Variants in ERC2 observed in about 807,000 individuals in gnomAD.
The protein encoded by ERC2 is ERC protein 2.
A neutral mutation model predicts 114.8 loss-of-function variants in ERC2; 42 were observed. The observed-to-expected ratio is 0.37, with a 90% confidence interval of 0.29 to 0.47. The LOEUF is 0.47. Among genes scored for constraint, ERC2 ranks in the 20% least tolerant of loss-of-function variants. ERC2 has a pLI of 0.99. For missense variants in ERC2, 939 were observed against 1,150.7 expected, an observed-to-expected ratio of 0.82 and a Z score of 2.66; for synonymous variants, 454 against 425.5, an observed-to-expected ratio of 1.07 and a Z score of -0.82.
chr3:55,712,886 G>GTTA (rs1244793253), intron 15 of ERC2, among the ~76,000 whole-genome samples: 2 of 152,230 alleles, frequency 1.3e-5, no homozygotes, highest in African/African-American at 4.8e-5. Flanking sequence ...TGCACAAGGT[G>GTTA]CTACTACATG....
intron 6 of ERC2, among the ~76,000 whole-genome samples, chr3:56,103,914 T>C (rs1418494409): frequency 6.6e-6 from 1 of 152,002 alleles, no homozygotes; most frequent in Non-Finnish European, 1.5e-5. Context: ...AATAGCTGAG[T>C]GTTAAAGAAG....
intron 17 of ERC2, among the ~76,000 whole-genome samples, chr3:55,583,889 C>CA (rs1012131079): frequency 1.5e-3 from 2 of 1,296 alleles, no homozygotes; most frequent in African/African-American, 1.8e-3. Context: ...AACTTGCTAG[C>CA]CCCCCTCCCA....
chr3:55,841,172 T>C (rs774084814), intron 14 of ERC2, among the ~76,000 whole-genome samples: 3 of 152,202 alleles, frequency 2.0e-5, no homozygotes, highest in Non-Finnish European at 4.4e-5. Flanking sequence ...ATAAAACAAA[T>C]CTGGCTGACA....
At chr3:55,530,651 A>T (rs1396487710) in intron 17 of ERC2, among the ~76,000 whole-genome samples, 1 of 152,216 alleles carries the variant, frequency 6.6e-6, no homozygotes, top group African/African-American at 2.4e-5. Flanking sequence ...CTCCAAGATT[A>T]TTGGCATCAA....
chr3:56,421,731 T>A (rs2061397745), intron 2 of ERC2, among the ~76,000 whole-genome samples: 1 of 152,178 alleles, frequency 6.6e-6, no homozygotes, highest in Admixed American at 6.5e-5. Flanking sequence ...CCTCATCATC[T>A]TCCAACTGAC....
At chr3:56,425,108 C>T (rs2061516698) in intron 2 of ERC2, among the ~76,000 whole-genome samples, 1 of 152,112 alleles carries the variant, frequency 6.6e-6, no homozygotes, top group Non-Finnish European at 1.5e-5. Flanking sequence ...CCCTTCATCC[C>T]ACTTCCTTTA....
chr3:55,926,404 TTTTTTG>T (rs1192881082), intron 13 of ERC2, among the ~76,000 whole-genome samples: 1 of 40,082 alleles, frequency 2.5e-5, no homozygotes. Flanking sequence ...TTGTTTTTTG[TTTTTTG>T]TTTTTAAAAA....
At chr3:56,202,368 T>A (rs2048455872) in intron 3 of ERC2, among the ~76,000 whole-genome samples, 1 of 152,200 alleles carries the variant, frequency 6.6e-6, no homozygotes, top group Admixed American at 6.5e-5. Flanking sequence ...TTAATTATAA[T>A]GATTTTGCAT....
chr3:56,463,808 A>G (rs574789471), intron 1 of ERC2, among the ~76,000 whole-genome samples: 1 of 152,320 alleles, frequency 6.6e-6, no homozygotes, highest in East Asian at 1.9e-4. Flanking sequence ...AGGTCCAGGA[A>G]AATGCCATTG....
At chr3:56,182,611 C>G (rs138922621) in intron 3 of ERC2, among the ~76,000 whole-genome samples, 3 of 152,232 alleles carry the variant, frequency 2.0e-5, no homozygotes, top group East Asian at 3.9e-4. Flanking sequence ...CTTGAAGAAA[C>G]AGAAATAGAG....
chr3:55,797,917 A>G (rs975981852), intron 14 of ERC2, among the ~76,000 whole-genome samples: 12 of 152,240 alleles, frequency 7.9e-5, no homozygotes, highest in African/African-American at 2.9e-4. Context: ...ATGAAAAAAT[A>G]TAATTGTTAA....
chr3:56,114,768 C>T (rs1031533005), intron 6 of ERC2, among the ~76,000 whole-genome samples: 1 of 152,190 alleles, frequency 6.6e-6, no homozygotes. Flanking sequence ...TTGCCTTTAA[C>T]CTCCAAGCTG....
intron 15 of ERC2, among the ~76,000 whole-genome samples, chr3:55,729,867 T>TAAAAAA (rs2065148489): frequency 2.4e-5 from 1 of 42,012 alleles, no homozygotes; most frequent in African/African-American, 1.1e-4. Context: ...AAAAAAAAAT[T>TAAAAAA]GTAAGCTACA....
chr3:55,844,235 T>C lies in ERC2; in HGVS notation c.2564+44154A>G, dbSNP rs559722810. 2.9e-4 allele frequency among the ~76,000 whole-genome samples: 44 copies of C among 152,280 alleles called. No homozygotes were observed. The South Asian group carries it at 8.7e-3, about 30-fold the overall frequency. The stretch of plus-strand genomic sequence containing the variant: ...TATCTGCAATAGAAATGTAGGCAAA[T>C]GTTCATCAAAACACAGTTAGTAGAA... On this transcript the variant is annotated intron_variant, in intron 14 of 17. Transcript: ENST00000288221.
chr3:56,089,712 C>T (rs1355696872), intron 6 of ERC2, among the ~76,000 whole-genome samples: 1 of 152,096 alleles, frequency 6.6e-6, no homozygotes, highest in African/African-American at 2.4e-5. Flanking sequence ...AGCCCAAAAG[C>T]TTCAACCCTT....
chr3:55,921,564 C>T (rs1310234446), intron 13 of ERC2, among the ~76,000 whole-genome samples: 1 of 151,972 alleles, frequency 6.6e-6, no homozygotes, highest in Admixed American at 6.6e-5. Flanking sequence ...AAATGAGATG[C>T]TGAGACAATG....
intron 14 of ERC2, among the ~76,000 whole-genome samples, chr3:55,785,905 G>T (rs1446831311): frequency 1.3e-5 from 2 of 152,200 alleles, no homozygotes; most frequent in Admixed American, 6.5e-5. Flanking sequence ...TTCCAACTCG[G>T]TGGTTACAGG....
chr3:55,613,400 G>T (rs1368497801), intron 17 of ERC2, among the ~76,000 whole-genome samples: 1 of 152,138 alleles, frequency 6.6e-6, no homozygotes, highest in African/African-American at 2.4e-5. Flanking sequence ...TAACCTTTTT[G>T]GGGGGCGGTG....
At chr3:55,850,890 A>G (rs2061541788) in intron 14 of ERC2, among the ~76,000 whole-genome samples, 1 of 150,610 alleles carries the variant, frequency 6.6e-6, no homozygotes, top group African/African-American at 2.4e-5. Flanking sequence ...ACACACACAC[A>G]CGAGAGAACC....
Sources: allele counts gnomAD v4.1 joint callset (sites outside exome capture counted in the v4.1 genomes callset), GRCh38; gene constraint gnomAD v4.1.1; transcripts MANE v1.5; gene names NCBI Gene and HGNC (gene_info 2026-07-23, HGNC 2026-07-21).